The following LRBA variants were observed in gnomAD, a reference collection of about 807,000 sequenced individuals.
LRBA encodes the protein lipopolysaccharide-responsive and beige-like anchor protein.
Under a neutral mutation model 330.0 loss-of-function variants are expected in LRBA, and 176 were observed. That is an observed-to-expected ratio of 0.53 (90% CI 0.47 to 0.60). The LOEUF (loss-of-function observed/expected upper bound fraction) is 0.60, where lower values mean the gene tolerates loss of function less well. Among genes scored for constraint, LRBA ranks in the 20% least tolerant of loss-of-function variants. The pLI is 0.00. For synonymous variants in LRBA, 1,230 were observed against 1,193.0 expected, an observed-to-expected ratio of 1.03 and a Z score of -0.64; for missense variants, 3,259 against 3,444.8, an observed-to-expected ratio of 0.95 and a Z score of 1.35.
chr4:150,307,500 G>T (rs1323214667), intron 52 of LRBA, among the ~76,000 whole-genome samples: 1 of 150,952 alleles, frequency 6.6e-6, no homozygotes, highest in Non-Finnish European at 1.5e-5. Flanking sequence ...GAATATTTGA[G>T]AAAAACTCCA....
intron 40 of LRBA, among the ~76,000 whole-genome samples, chr4:150,503,341 C>G (rs1282461153): frequency 6.6e-6 from 1 of 152,182 alleles, no homozygotes; most frequent in African/African-American, 2.4e-5. Context: ...GCCGGGTACT[C>G]CCCTGAGACA....
At chr4:150,803,762 T>C (rs997278383) in intron 33 of LRBA, among the ~76,000 whole-genome samples, 8 of 152,196 alleles carry the variant, frequency 5.3e-5, no homozygotes, top group African/African-American at 1.9e-4. Flanking sequence ...TTTATGAACA[T>C]CATCAATGAA....
chr4:150,751,215 T>C (rs952966980), intron 35 of LRBA, among the ~76,000 whole-genome samples: 6 of 152,104 alleles, frequency 3.9e-5, no homozygotes, highest in African/African-American at 9.7e-5. Context: ...TAAAAAGTGA[T>C]TGGGATGTAT....
At chr4:150,482,810 G>A (rs1166591629) in intron 42 of LRBA, among the ~76,000 whole-genome samples, 6 of 151,842 alleles carry the variant, frequency 4.0e-5, no homozygotes, top group African/African-American at 7.2e-5. Flanking sequence ...GTGTTTATTC[G>A]GTATCTATAT....
rs759514746 is a variant in LRBA at position 150,817,134 on chromosome 4, T to C, written c.5295A>G (p.Gly1765=). 6.2e-7 allele frequency: 1 copy of C among 1,611,724 alleles called. No homozygotes were observed. Among genetic ancestry groups the C allele is most frequent in the Non-Finnish European group, 8.5e-7 (1 of 1,178,430 alleles). Residue 1765 remains glycine (G), a synonymous_variant, in exon 31 of 57, where the codon GGA becomes GGG. Transcript: ENST00000651943. ...TGATAACTAACTCACCTGGTGATTC[T>C]CCTCCCATATCTGAGGCTTGGGCTG... The part of the protein sequence containing the change: ...VDSAQASDMG[G]ESPGSRSSNA...
chr4:150,550,053 C>G (rs1426591230), intron 40 of LRBA, among the ~76,000 whole-genome samples: 1 of 152,034 alleles, frequency 6.6e-6, no homozygotes, highest in Admixed American at 6.6e-5. Flanking sequence ...TTTAATATAG[C>G]AGAGAATTCA....
intron 47 of LRBA, among the ~76,000 whole-genome samples, chr4:150,401,896 AG>A (rs777726713): frequency 2.6e-5 from 4 of 151,914 alleles, no homozygotes; most frequent in Admixed American, 6.6e-5. Context: ...TACTACAGAG[AG>A]GGTGAAAAAA....
chr4:150,389,505 G>A (rs917915653), intron 47 of LRBA, among the ~76,000 whole-genome samples: 1 of 151,752 alleles, frequency 6.6e-6, no homozygotes, highest in Non-Finnish European at 1.5e-5. Flanking sequence ...CCAGGAGTTC[G>A]AGGCCAGCCT....
At chr4:150,647,350 T>C in intron 37 of LRBA, among the ~76,000 whole-genome samples, 1 of 108,010 alleles carries the variant, frequency 9.3e-6, no homozygotes, top group Non-Finnish European at 1.9e-5. Context: ...TGATTACTTT[T>C]TCTTTTTTTT....
intron 53 of LRBA, among the ~76,000 whole-genome samples, chr4:150,300,152 A>G (rs979895072): frequency 2.0e-5 from 3 of 152,030 alleles, no homozygotes; most frequent in Non-Finnish European, 2.9e-5. Context: ...ATATGTGTAA[A>G]TTCTCATTAT....
intron 9 of LRBA, 48 bp from the exon 10 acceptor site, chr4:150,908,905 T>G (rs962512607): frequency 1.5e-6 from 2 of 1,305,410 alleles, no homozygotes; most frequent in Non-Finnish European, 2.2e-6. Context: ...AAAGAGAATC[T>G]AAGTACAAAT....
chr4:150,967,498 G>A (rs1424812355), intron 2 of LRBA, among the ~76,000 whole-genome samples: 1 of 152,206 alleles, frequency 6.6e-6, no homozygotes, highest in Non-Finnish European at 1.5e-5. Context: ...TGCAAAATAT[G>A]CTCAGTTCAT....
chr4:150,734,088 A>G (rs1730871361), intron 36 of LRBA, among the ~76,000 whole-genome samples: 1 of 152,170 alleles, frequency 6.6e-6, no homozygotes, highest in Non-Finnish European at 1.5e-5. Context: ...TTAATCATTT[A>G]AAATGATATT....
At chr4:150,611,858 C>T in intron 37 of LRBA, among the ~76,000 whole-genome samples, 1 of 152,162 alleles carries the variant, frequency 6.6e-6, no homozygotes, top group East Asian at 1.9e-4. Flanking sequence ...TATCCAAGAA[C>T]CACTGCTTTG....
chr4:150,604,370 C>T (rs1209391750), intron 37 of LRBA, among the ~76,000 whole-genome samples: 2 of 150,636 alleles, frequency 1.3e-5, no homozygotes, highest in East Asian at 3.9e-4. Context: ...TGGCAATGAA[C>T]TCTAGCCTGG....
chr4:150,278,114 G>C, intron 55 of LRBA, 110 bp from the exon 56 acceptor site: 1 of 888,540 alleles, frequency 1.1e-6, no homozygotes, highest in Non-Finnish European at 1.7e-6. Flanking sequence ...AGAGAAGAGA[G>C]AGAGATCCTC....
At chr4:150,975,621 G>A (rs1740077711) in intron 2 of LRBA, among the ~76,000 whole-genome samples, 1 of 151,430 alleles carries the variant, frequency 6.6e-6, no homozygotes, top group African/African-American at 2.4e-5. Context: ...AGTATTCAAT[G>A]GAGAAAACTG....
chr4:150,767,523 G>T (rs1440931260), intron 34 of LRBA, among the ~76,000 whole-genome samples: 1 of 152,010 alleles, frequency 6.6e-6, no homozygotes, highest in African/African-American at 2.4e-5. Context: ...ACTTTGGGGG[G>T]CCAAGGCAGG....
chr4:150,271,242 A>C (rs950020898), intron 56 of LRBA, among the ~76,000 whole-genome samples: 2 of 151,416 alleles, frequency 1.3e-5, no homozygotes, highest in Non-Finnish European at 2.9e-5. Context: ...GGGTGCCTAC[A>C]CCACCAGGGC....
Sources: gnomAD v4.1 joint callset for allele counts (sites outside exome capture counted in the v4.1 genomes callset) on GRCh38, gnomAD v4.1.1 for gene constraint, MANE v1.5 for transcripts, NCBI Gene and HGNC (gene_info 2026-07-23, HGNC 2026-07-21) for gene names.